SLC4A1AP: variants seen among roughly 807,000 people sequenced by gnomAD.
The protein encoded by SLC4A1AP is solute carrier family 4 member 1 adaptor protein.
SLC4A1AP carries 64 observed loss-of-function variants against 89.7 expected under a neutral mutation model. That is an observed-to-expected ratio of 0.71 (90% CI 0.58 to 0.88). The LOEUF (loss-of-function observed/expected upper bound fraction) is 0.88. SLC4A1AP is among the 40% of genes least tolerant of loss of function. The pLI, the probability that SLC4A1AP is intolerant of heterozygous loss-of-function variation, is 0.00. For missense variants in SLC4A1AP, 931 were observed against 965.0 expected (o/e 0.96, Z 0.47); for synonymous variants, 366 against 353.3 (o/e 1.04, Z -0.40).
chr2:27,675,224 T>G (rs1675497409), intron 5 of SLC4A1AP, among the ~76,000 whole-genome samples: 1 of 152,196 alleles, frequency 6.6e-6, no homozygotes, highest in Non-Finnish European at 1.5e-5. Flanking sequence ...TTGGTATCTG[T>G]TAAACACTAA....
chr2:27,694,783 T>C, exon 14 of SLC4A1AP: 1 of 933,400 alleles, frequency 1.1e-6, no homozygotes, highest in Non-Finnish European at 1.6e-6. Flanking sequence ...AGATGATTAT[T>C]TGTAAGATCT....
At chr2:27,671,917 T>C (rs1036664582) in intron 5 of SLC4A1AP, among the ~76,000 whole-genome samples, 35 of 152,242 alleles carry the variant, frequency 2.3e-4, no homozygotes, top group African/African-American at 8.4e-4. Context: ...ATATAATTAT[T>C]GTAGCTTCAC....
intron 6 of SLC4A1AP, 30 bp from the exon 7 acceptor site, chr2:27,677,265 T>G (rs771285365): frequency 2.0e-6 from 3 of 1,466,928 alleles, no homozygotes; most frequent in Non-Finnish European, 2.9e-6. Context: ...GAAGAAAAAC[T>G]TTGTAACCCT....
intron 5 of SLC4A1AP, 142 bp from the exon 6 acceptor site, chr2:27,675,390 G>GT (rs1675501596): frequency 1.9e-6 from 1 of 513,880 alleles, no homozygotes; most frequent in Non-Finnish European, 3.4e-6. Flanking sequence ...TTAGCCCTTT[G>GT]TTTTTATACG....
rs1675376183 is a variant in SLC4A1AP at position 27,668,839 on chromosome 2, A to G, written c.1145-4A>G. The G allele has an allele frequency of 6.2e-7, 1 of 1,612,434 alleles. No homozygotes were observed. Among genetic ancestry groups the G allele is most frequent in the South Asian group, 1.1e-5 (1 of 91,062 alleles). On this transcript the variant is annotated splice_region_variant and splice_polypyrimidine_tract_variant and intron_variant, in intron 3 of 13. Coordinates refer to ENST00000613058, the Ensembl canonical transcript of SLC4A1AP. ...AAATTGTTTTGTCTGTCTTTCTCCC[A>G]CAGGAGAAGAATTAGAATATGAATT...
chr2:27,671,158 T>C (rs1675423208), intron 5 of SLC4A1AP, among the ~76,000 whole-genome samples: 1 of 152,024 alleles, frequency 6.6e-6, no homozygotes, highest in South Asian at 2.1e-4. Context: ...CCTGACCTCA[T>C]GATCCGCCTG....
At chr2:27,665,165 G>A in exon 2 of SLC4A1AP, 1 of 1,613,904 alleles carries the variant, frequency 6.2e-7, no homozygotes, top group Non-Finnish European at 8.5e-7. Flanking sequence ...AATTGCGCAA[G>A]CAGCAGCAAA....
chr2:27,679,183 C>A (rs1025771495), intron 8 of SLC4A1AP, among the ~76,000 whole-genome samples: 1 of 152,174 alleles, frequency 6.6e-6, no homozygotes, highest in African/African-American at 2.4e-5. Flanking sequence ...AATGCACATG[C>A]CCTTTGATCT....
At chr2:27,672,458 A>C (rs879276843) in intron 5 of SLC4A1AP, among the ~76,000 whole-genome samples, 5 of 151,616 alleles carry the variant, frequency 3.3e-5, no homozygotes, top group African/African-American at 1.2e-4. Flanking sequence ...AGGCTCAGAG[A>C]CTCCAAGGTT....
At chr2:27,665,107 A>G (rs1399864933) in exon 2 of SLC4A1AP, 1 of 1,611,546 alleles carries the variant, frequency 6.2e-7, no homozygotes, top group Non-Finnish European at 8.5e-7. Flanking sequence ...CAGGGACCAG[A>G]GGAAGACCGA....
intron 5 of SLC4A1AP, among the ~76,000 whole-genome samples, chr2:27,672,730 T>C (rs759188472): frequency 6.6e-6 from 1 of 152,184 alleles, no homozygotes. Flanking sequence ...TAGGTGGGGT[T>C]TGTTGACTTT....
intron 8 of SLC4A1AP, among the ~76,000 whole-genome samples, chr2:27,678,745 G>A (rs1262976607): frequency 6.7e-6 from 1 of 148,454 alleles, no homozygotes; most frequent in Non-Finnish European, 1.5e-5. Flanking sequence ...TTGAGATAGG[G>A]TCTCACTGTG....
At chr2:27,671,505 A>G (rs1675427516) in intron 5 of SLC4A1AP, among the ~76,000 whole-genome samples, 1 of 152,170 alleles carries the variant, frequency 6.6e-6, no homozygotes, top group Non-Finnish European at 1.5e-5. Context: ...TAAGTAATTT[A>G]TCAGTTCTGA....
intron 10 of SLC4A1AP, 139 bp downstream of exon 10, chr2:27,685,416 A>ACAAAGTCAAATGCACAGACAAGAACTGGC: frequency 8.7e-7 from 1 of 1,151,398 alleles, no homozygotes; most frequent in Non-Finnish European, 1.2e-6. Flanking sequence ...AAGGAAACAT[A>ACAAAGTCAAATGCACAGACAAGAACTGGC]CTTTCTTGGT....
chr2:27,691,290 G>T (rs1447012386), intron 12 of SLC4A1AP, among the ~76,000 whole-genome samples: 1 of 151,958 alleles, frequency 6.6e-6, no homozygotes, highest in East Asian at 1.9e-4. Flanking sequence ...TGTGTTTCCA[G>T]GAATTTATCC....
At chr2:27,669,369 T>G (rs1482770494) in exon 5 of SLC4A1AP, 5 of 1,610,552 alleles carry the variant, frequency 3.1e-6, no homozygotes, top group Non-Finnish European at 4.2e-6. Flanking sequence ...CACTTTGGGA[T>G]TGCTTCGGCA....
intron 5 of SLC4A1AP, among the ~76,000 whole-genome samples, chr2:27,670,922 C>CTTTTTTTTTTTT (rs34481114): frequency 2.7e-5 from 3 of 111,850 alleles, no homozygotes; most frequent in Non-Finnish European, 3.6e-5. Flanking sequence ...CTTTTCTTTT[C>CTTTTTTTTTTTT]TTTTTTTTTT....
chr2:27,677,582 C>T (rs2148135482), intron 7 of SLC4A1AP, among the ~76,000 whole-genome samples, 156 bp from the exon 8 acceptor site: 1 of 152,294 alleles, frequency 6.6e-6, no homozygotes, highest in South Asian at 2.1e-4. Context: ...AAAATGACTT[C>T]CCAAGGTCTC....
At chr2:27,670,609 C>G (rs1190967667) in intron 5 of SLC4A1AP, among the ~76,000 whole-genome samples, 2 of 151,800 alleles carry the variant, frequency 1.3e-5, no homozygotes, top group Non-Finnish European at 2.9e-5. Context: ...GTAATCCCAG[C>G]ACTTTGGGAG....
Sources: allele counts gnomAD v4.1 joint callset (sites outside exome capture counted in the v4.1 genomes callset), GRCh38; gene constraint gnomAD v4.1.1; transcripts MANE v1.5; gene names NCBI Gene and HGNC (gene_info 2026-07-23, HGNC 2026-07-21).